Variants in STXBP6 observed in about 807,000 individuals in gnomAD.
The protein encoded by STXBP6 is syntaxin binding protein 6, also known as syntaxin-binding protein 6.
A neutral mutation model predicts 26.9 loss-of-function variants in STXBP6; 21 were observed. The observed-to-expected ratio is 0.78, with a 90% CI of 0.55 to 1.12. STXBP6 has a LOEUF of 1.12. Among genes scored for constraint, STXBP6 ranks in the 50% most tolerant of loss-of-function variants. The probability of loss-of-function intolerance (pLI) is 0.00; values close to 1 mark genes in which losing one functional copy is unlikely to be tolerated. For missense variants in STXBP6, 232 were observed against 257.9 expected (o/e 0.90, Z 0.69); for synonymous variants, 97 against 92.6 (o/e 1.05, Z -0.27).
intron 2 of STXBP6, among the ~76,000 whole-genome samples, chr14:24,948,863 C>A (rs1305784136): frequency 6.6e-6 from 1 of 152,102 alleles, no homozygotes; most frequent in Non-Finnish European, 1.5e-5. Flanking sequence ...TCTCTAAGTA[C>A]TGAAGGAGAT....
At chr14:24,940,039 C>T (rs958120761) in intron 2 of STXBP6, among the ~76,000 whole-genome samples, 1 of 152,198 alleles carries the variant, frequency 6.6e-6, no homozygotes, top group African/African-American at 2.4e-5. Flanking sequence ...GCACTGTAAT[C>T]CCCAAATGTC....
chr14:24,922,779 T>C (rs1215301064), intron 2 of STXBP6, among the ~76,000 whole-genome samples: 1 of 152,038 alleles, frequency 6.6e-6, no homozygotes, highest in African/African-American at 2.4e-5. Context: ...CCATCCCCAA[T>C]ATGTACTTTA....
At chr14:24,880,950 T>G (rs1463096244) in intron 2 of STXBP6, among the ~76,000 whole-genome samples, 1 of 152,220 alleles carries the variant, frequency 6.6e-6, no homozygotes, top group African/African-American at 2.4e-5. Flanking sequence ...GTTTTCTCAT[T>G]GTTTTGAAAA....
chr14:24,856,692 T>C (rs1021374771), intron 3 of STXBP6, among the ~76,000 whole-genome samples: 3 of 151,212 alleles, frequency 2.0e-5, no homozygotes, highest in Non-Finnish European at 4.4e-5. Context: ...CAGTAGGAGA[T>C]AAATGAGGTT....
chr14:24,918,452 C>CACACACA (rs2071850748), intron 2 of STXBP6, among the ~76,000 whole-genome samples: 1 of 133,398 alleles, frequency 7.5e-6, no homozygotes, highest in Admixed American at 7.7e-5. Flanking sequence ...CACACCCCCA[C>CACACACA]CACACACACA....
intron 1 of STXBP6, among the ~76,000 whole-genome samples, chr14:24,983,644 A>G (rs750251091): frequency 6.6e-6 from 1 of 152,220 alleles, no homozygotes; most frequent in Non-Finnish European, 1.5e-5. Context: ...AAAGAAAACA[A>G]GAAGATGTGT....
At chr14:25,006,006 T>C (rs1886941714) in intron 1 of STXBP6, among the ~76,000 whole-genome samples, 1 of 152,298 alleles carries the variant, frequency 6.6e-6, no homozygotes, top group Admixed American at 6.5e-5. Context: ...ATTTTGATGT[T>C]CAGAACTTCA....
At chr14:24,987,630 A>G (rs1009387897) in intron 1 of STXBP6, among the ~76,000 whole-genome samples, 1 of 152,218 alleles carries the variant, frequency 6.6e-6, no homozygotes, top group Non-Finnish European at 1.5e-5. Context: ...GATTGTCTCT[A>G]CTGACACATA....
chr14:24,912,911 T>G (rs1431195433), intron 2 of STXBP6, among the ~76,000 whole-genome samples: 1 of 152,198 alleles, frequency 6.6e-6, no homozygotes, highest in Non-Finnish European at 1.5e-5. Context: ...ATTGAAAATT[T>G]AAAAACAGGA....
chr14:24,969,159 A>C (rs927244170), intron 2 of STXBP6, among the ~76,000 whole-genome samples: 4 of 152,202 alleles, frequency 2.6e-5, no homozygotes, highest in African/African-American at 7.2e-5. Context: ...TCCTAAAGAA[A>C]ATTTTGCTCT....
intron 2 of STXBP6, among the ~76,000 whole-genome samples, chr14:24,904,463 G>A (rs556769903): frequency 3.5e-4 from 53 of 152,172 alleles, no homozygotes; most frequent in Middle Eastern, 3.4e-3. Flanking sequence ...TTACTTTTGC[G>A]CCAACCTAAT....
At chr14:25,006,898 C>G (rs1275138912) in intron 1 of STXBP6, among the ~76,000 whole-genome samples, 1 of 147,798 alleles carries the variant, frequency 6.8e-6, no homozygotes, top group Non-Finnish European at 1.5e-5. Flanking sequence ...TTAACATATT[C>G]AGCAATAGGT....
chr14:24,838,254 AC>A (rs1271567959), intron 4 of STXBP6, among the ~76,000 whole-genome samples: 6 of 152,048 alleles, frequency 3.9e-5, no homozygotes, highest in Non-Finnish European at 8.8e-5. Context: ...CAAGCAATCT[AC>A]CCAACTCGGC....
chr14:25,030,398 T>C (rs2075431289), intron 1 of STXBP6, among the ~76,000 whole-genome samples: 1 of 152,212 alleles, frequency 6.6e-6, no homozygotes, highest in South Asian at 2.1e-4. Flanking sequence ...GCACCCTTTA[T>C]TCTACTACAA....
chr14:25,025,364 TG>T (rs2075331536), intron 1 of STXBP6, among the ~76,000 whole-genome samples: 2 of 152,246 alleles, frequency 1.3e-5, no homozygotes, highest in African/African-American at 4.8e-5. Context: ...AGATTCTTGG[TG>T]GTGTCTGCCC....
At chr14:24,904,971 A>G (rs1002702185) in intron 2 of STXBP6, among the ~76,000 whole-genome samples, 2 of 152,214 alleles carry the variant, frequency 1.3e-5, no homozygotes, top group Admixed American at 1.3e-4. Context: ...AGACCCCAGG[A>G]TGAGAGTTCA....
chr14:24,845,301 C>T (rs992339379), intron 4 of STXBP6, among the ~76,000 whole-genome samples: 10 of 152,042 alleles, frequency 6.6e-5, no homozygotes, highest in South Asian at 2.1e-4. Context: ...CATGAGCCAC[C>T]GCGCCTGGCC....
intron 2 of STXBP6, among the ~76,000 whole-genome samples, chr14:24,920,844 A>G (rs1205905367): frequency 3.3e-5 from 5 of 152,188 alleles, no homozygotes; most frequent in African/African-American, 1.2e-4. Flanking sequence ...CTTTACCCAC[A>G]AACTATGTTC....
intron 2 of STXBP6, among the ~76,000 whole-genome samples, chr14:24,923,267 T>C (rs957600979): frequency 2.0e-5 from 3 of 152,182 alleles, no homozygotes; most frequent in African/African-American, 7.2e-5. Context: ...CTCCTGCAAC[T>C]AGCTGTTTTG....
Sources: gnomAD v4.1 joint callset for allele counts (sites outside exome capture counted in the v4.1 genomes callset) on GRCh38, gnomAD v4.1.1 for gene constraint, MANE v1.5 for transcripts, NCBI Gene and HGNC (gene_info 2026-07-23, HGNC 2026-07-21) for gene names.